Variants in WDR43 observed in about 807,000 individuals in gnomAD.
WDR43 encodes WD repeat domain 43.
A neutral mutation model predicts 91.4 loss-of-function variants in WDR43; 13 were observed. That is an observed-to-expected ratio of 0.14 (90% CI 0.09 to 0.23). The LOEUF is 0.23. WDR43 is among the 10% of genes least tolerant of loss of function. WDR43 has a pLI of 1.00. For synonymous variants in WDR43, 331 were observed against 287.9 expected, an observed-to-expected ratio of 1.15 and a Z score of -1.51; for missense variants, 780 against 809.4, an observed-to-expected ratio of 0.96 and a Z score of 0.44.
At position 28,925,157 on chromosome 2, in the gene WDR43, C is replaced by A; in HGVS notation, c.1086+4C>A. ...TCAGCCTACTATTGAGCGAGTGGTA[C>A]GTAGCTGCTACTCTGGAGTAAAGCA... On this transcript the variant is annotated splice_donor_region_variant and intron_variant, in intron 8 of 17. Coordinates refer to ENST00000407426, the MANE Select transcript of WDR43 (RefSeq NM_015131.3). 6.2e-7 allele frequency: 1 copy of A among 1,606,754 alleles called. No homozygotes were observed. The highest frequency in any genetic ancestry group is 8.5e-7 in the Non-Finnish European group (1 of 1,175,962).
rs1303739629 is a variant in WDR43, at chr2:28,894,843, C to T, written c.145C>T (p.His49Tyr). 1.2e-6 allele frequency: 2 copies of T among 1,611,234 alleles called. No homozygotes were observed. Among genetic ancestry groups the T allele is most frequent in the Admixed American group, 1.7e-5 (1 of 59,750 alleles). Reference sequence around the variant, plus strand: ...ATGGGAGACGGCCAACAACCGGCTGCACCAGGAGTACGTGCCTTCCGCGCA... The same window carrying T: ...ATGGGAGACGGCCAACAACCGGCTGTACCAGGAGTACGTGCCTTCCGCGCA... Reference protein sequence around the residue: ...RVWETANNRLHQEYVPSAHLS... With the variant: ...RVWETANNRLYQEYVPSAHLS... The change falls in exon 1 of 18, where the codon CAC becomes TAC. Residue 49 changes from histidine to tyrosine, a missense_variant. Coordinates refer to ENST00000407426, the MANE Select transcript of WDR43 (RefSeq NM_015131.3).
Position 28,948,106 on chromosome 2 carries a change from A to C in WDR43, c.*1327A>C, listed in dbSNP as rs1417084822. On this transcript the variant is annotated 3_prime_UTR_variant, in exon 18 of 18. Transcript: ENST00000407426. ...GCCATATAAGCATCTTGGGAAAGCA[A>C]GTTTGAACCAGCTGCTGGTGTAATG... 6.6e-6 allele frequency: 1 copy of C among 152,150 alleles called. No homozygotes were observed. Among genetic ancestry groups the C allele is most frequent in the African/African-American group, 2.4e-5 (1 of 41,422 alleles). 9.4% of individuals were successfully genotyped at this position (152,150 alleles called of 1,614,324 possible). A position where few individuals can be genotyped will look rare whatever the true frequency, so the allele number is the denominator to read the frequency against.
chr2:28,905,288 A>G (rs557278478), intron 2 of WDR43, among the ~76,000 whole-genome samples: 7 of 152,362 alleles, frequency 4.6e-5, no homozygotes, highest in Admixed American at 3.9e-4. Context: ...TTAGCACCTC[A>G]TTCTGCTAAG....
chr2:28,926,416 C>CTTTTT, intron 8 of WDR43, 52 bp from the exon 9 acceptor site: 95 of 1,222,294 alleles, frequency 7.8e-5, no homozygotes, highest in South Asian at 2.3e-4. Flanking sequence ...GTTTGACACT[C>CTTTTT]TTTTTTTTTT....
intron 1 of WDR43, among the ~76,000 whole-genome samples, chr2:28,900,344 C>G (rs1670555568): frequency 6.6e-6 from 1 of 152,064 alleles, no homozygotes; most frequent in Admixed American, 6.6e-5. Context: ...CCACGCCCGG[C>G]TAATTTTTTT....
At chr2:28,920,924 A>G (rs6547894) in intron 6 of WDR43, among the ~76,000 whole-genome samples, 124,674 of 151,860 alleles carry the variant, frequency 0.82, 51,331 homozygotes, top group Non-Finnish European at 0.85. Flanking sequence ...TGTTCTGCCC[A>G]CCTTGGCCTC....
At chr2:28,909,519 A>T (rs1297456924) in intron 3 of WDR43, among the ~76,000 whole-genome samples, 1 of 152,158 alleles carries the variant, frequency 6.6e-6, no homozygotes, top group Admixed American at 6.5e-5. Context: ...TGTTTAAGGC[A>T]TCCTTCAAAT....
At chr2:28,896,555 A>G (rs1471765278) in intron 1 of WDR43, among the ~76,000 whole-genome samples, 10 of 152,190 alleles carry the variant, frequency 6.6e-5, no homozygotes, top group Non-Finnish European at 2.9e-5. Flanking sequence ...GAATAAAGTA[A>G]AAAATGGAAC....
intron 16 of WDR43, among the ~76,000 whole-genome samples, chr2:28,943,939 A>G (rs115257944): frequency 1.3e-5 from 2 of 152,284 alleles, no homozygotes; most frequent in South Asian, 4.1e-4. Context: ...GACAATTTGC[A>G]TATCCTTCCA....
intron 11 of WDR43, among the ~76,000 whole-genome samples, chr2:28,934,791 C>T (rs1195766206): frequency 6.6e-6 from 1 of 152,120 alleles, no homozygotes; most frequent in Non-Finnish European, 1.5e-5. Context: ...TGTTTCTATT[C>T]TGAGCATATT....
intron 4 of WDR43, 175 bp from the exon 5 acceptor site, chr2:28,913,894 G>T: frequency 1.2e-6 from 1 of 803,780 alleles, no homozygotes; most frequent in East Asian, 2.6e-5. Context: ...TTTAAAAAGT[G>T]GGAGAATTAT....
In WDR43 at chr2:28,941,623, A is replaced by G. The variant is rs1329854947; in HGVS notation, c.1734+49A>G. ...GCTAAAACTTTTGGACATGGTAGGA[A>G]TGGAGAGAGGAATAAGGATCATTTT... is the stretch of plus-strand genomic sequence containing the variant. On this transcript the variant is annotated intron_variant, in intron 15 of 17. Transcript: ENST00000407426. 4 of 1,369,018 alleles carry G rather than the reference A, an allele frequency of 2.9e-6. No homozygotes were observed. The South Asian group carries it at 5.0e-5, about 17-fold the overall frequency. The allele number at this position is 1,369,018 out of a possible 1,614,324, so 84.8% of individuals were successfully genotyped here.
chr2:28,927,832 T>G (rs1401890539), intron 10 of WDR43, 132 bp downstream of exon 10: 1 of 1,190,466 alleles, frequency 8.4e-7, no homozygotes, highest in South Asian at 1.6e-5. Flanking sequence ...TATGCTCTCT[T>G]TTATCTTCAC....
chr2:28,935,100 A>G (rs1671314296), intron 11 of WDR43, among the ~76,000 whole-genome samples: 1 of 152,090 alleles, frequency 6.6e-6, no homozygotes, highest in Non-Finnish European at 1.5e-5. Context: ...AATTTTACCA[A>G]AATTTTGACA....
intron 7 of WDR43, 89 bp from the exon 8 acceptor site, chr2:28,924,893 T>G (rs1572594789): frequency 1.3e-4 from 184 of 1,460,410 alleles, no homozygotes; most frequent in African/African-American, 1.4e-5. Context: ...TAGAGGGGGG[T>G]CACATTTCGT....
rs1435767671 is a variant in WDR43, at chr2:28,936,903, G to T, written c.1525-19G>T. 1.3e-6 allele frequency: 2 copies of T among 1,565,714 alleles called. No individual in the cohort carries two copies. The highest frequency in any genetic ancestry group is 8.7e-7 in the Non-Finnish European group (1 of 1,153,486). On this transcript the variant is annotated intron_variant, in intron 12 of 17. Transcript: ENST00000407426. ...TGCCTCTGAAGTGCTGTTGTTAATAGTGTTTTTCTCTCCCTTAGCTTACAA... is the reference window on the plus strand; with the variant it reads ...TGCCTCTGAAGTGCTGTTGTTAATATTGTTTTTCTCTCCCTTAGCTTACAA...
At chr2:28,937,718 G>A (rs1356912534) in intron 13 of WDR43, among the ~76,000 whole-genome samples, 1 of 152,092 alleles carries the variant, frequency 6.6e-6, no homozygotes, top group Non-Finnish European at 1.5e-5. Flanking sequence ...TTCTGATGTG[G>A]CCCCCAATCC....
At chr2:28,920,224 CTTTTTTTTTTT>C (rs751048652) in intron 6 of WDR43, among the ~76,000 whole-genome samples, 2 of 108,062 alleles carry the variant, frequency 1.9e-5, no homozygotes, top group East Asian at 2.6e-4. Context: ...TTTTTTCTTT[CTTTTTTTTTTT>C]TTTTTTTTGA....
rs201667836 is a variant in WDR43 at position 28,905,661 on chromosome 2, TTC to T, written c.364-795_364-794del. ...ATTCTAGCTGTTTATCTCTCTCTTCTTCTCTTTTTTTTTTTTTTTTTGATATG... is the reference window on the plus strand; with the variant it reads ...ATTCTAGCTGTTTATCTCTCTCTTCTTCTTTTTTTTTTTTTTTTTGATATG... On this transcript the variant is annotated intron_variant, in intron 2 of 17. Coordinates refer to ENST00000407426, the MANE Select transcript of WDR43 (RefSeq NM_015131.3). Among the ~76,000 whole-genome samples the T allele has an allele frequency of 4.7e-4, 66 of 140,900 alleles. 4 individuals are homozygous for T. The highest frequency in any genetic ancestry group is 1.9e-3 in the East Asian group (6 of 3,102). The allele number at this position is 140,900 out of a possible 152,430, so 92.4% of individuals were successfully genotyped here. A position where few individuals can be genotyped will look rare whatever the true frequency, so the allele number is the denominator to read the frequency against.
Sources: allele counts gnomAD v4.1 joint callset (sites outside exome capture counted in the v4.1 genomes callset), GRCh38; gene constraint gnomAD v4.1.1; transcripts MANE v1.5; gene names NCBI Gene and HGNC (gene_info 2026-07-23, HGNC 2026-07-21).